ADD1: variants seen among roughly 807,000 people sequenced by gnomAD.
The protein encoded by ADD1 is adducin 1, also known as alpha-adducin.
In ADD1, 24 loss-of-function variants were observed where a neutral mutation model predicts 80.5. The ratio of observed to expected loss-of-function variants is 0.30; its 90% confidence interval spans 0.22 to 0.42. The LOEUF (loss-of-function observed/expected upper bound fraction) is 0.42, where lower values mean the gene tolerates loss of function less well. ADD1 is among the 10% of genes least tolerant of loss of function. The pLI is 1.00. For missense variants in ADD1, 948 were observed against 1,019.0 expected (o/e 0.93, Z 0.95); for synonymous variants, 373 against 393.8 (o/e 0.95, Z 0.63).
intron 4 of ADD1, among the ~76,000 whole-genome samples, chr4:2,885,901 T>A (rs193168675): frequency 6.6e-6 from 1 of 152,058 alleles, no homozygotes; most frequent in Non-Finnish European, 1.5e-5. Context: ...TGAGCCACCC[T>A]GCCCGGCCCC....
At chr4:2,915,984 C>G (rs555441918) in intron 14 of ADD1, among the ~76,000 whole-genome samples, 1 of 152,024 alleles carries the variant, frequency 6.6e-6, no homozygotes, top group Non-Finnish European at 1.5e-5. Flanking sequence ...GATGTCCTGC[C>G]GTGGTCCCAT....
At chr4:2,861,139 G>A (rs1328012906) in intron 1 of ADD1, among the ~76,000 whole-genome samples, 1 of 152,218 alleles carries the variant, frequency 6.6e-6, no homozygotes, top group Non-Finnish European at 1.5e-5. Context: ...CAAAGACTCT[G>A]AGGCAGGAAG....
chr4:2,906,478 T>C (rs987165569), intron 10 of ADD1, among the ~76,000 whole-genome samples: 1 of 152,178 alleles, frequency 6.6e-6, no homozygotes, highest in Non-Finnish European at 1.5e-5. Context: ...CCAAAGCGTT[T>C]AGGCAGCAGC....
chr4:2,899,171 C>G, intron 8 of ADD1, 88 bp from the exon 9 acceptor site: 1 of 1,366,552 alleles, frequency 7.3e-7, no homozygotes, highest in South Asian at 1.4e-5. Context: ...GATTTGGTTT[C>G]TTTTGAAACC....
intron 14 of ADD1, among the ~76,000 whole-genome samples, chr4:2,919,444 T>A (rs1040763428): frequency 6.6e-6 from 1 of 152,216 alleles, no homozygotes; most frequent in African/African-American, 2.4e-5. Flanking sequence ...TGGTAGAATC[T>A]GGCTGTGAAT....
chr4:2,904,958 G>T lies in ADD1; in HGVS notation c.1356G>T (p.Arg452=). 1.9e-6 allele frequency: 3 copies of T among 1,614,190 alleles called. No homozygotes were observed. The Admixed American group carries it at 5.0e-5, about 27-fold the overall frequency. ...AGACAAGATGGCTGAACTCTGGCCG[G>T]GGCGACGAAGCTTCCGAGGAAGGGC... is the stretch of plus-strand genomic sequence containing the variant. The part of the protein sequence containing the change: ...REKTRWLNSG[R]GDEASEEGQN... The change falls in exon 10 of 16, where the codon CGG becomes CGT. Residue 452 remains arginine, a synonymous_variant. Coordinates refer to ENST00000683351, the MANE Select transcript of ADD1 (RefSeq NM_001354761.2).
At chr4:2,883,903 C>G (rs544033100) in intron 3 of ADD1, among the ~76,000 whole-genome samples, 1 of 152,278 alleles carries the variant, frequency 6.6e-6, no homozygotes, top group East Asian at 1.9e-4. Flanking sequence ...GATCTCCTGA[C>G]CTTGTGATCC....
At chr4:2,897,981 C>G (rs370103094) in intron 6 of ADD1, among the ~76,000 whole-genome samples, 3 of 152,184 alleles carry the variant, frequency 2.0e-5, no homozygotes, top group East Asian at 3.9e-4. Context: ...TGAGGCTCTC[C>G]CAGTTTAGGG....
chr4:2,914,606 C>G (rs1303565986), intron 13 of ADD1: 1 of 339,304 alleles, frequency 2.9e-6, no homozygotes, highest in Non-Finnish European at 5.3e-6. Context: ...GCTCTGTGCT[C>G]TTGGGTCTGC....
intron 1 of ADD1, among the ~76,000 whole-genome samples, chr4:2,860,354 G>T (rs1728669286): frequency 6.6e-6 from 1 of 152,202 alleles, no homozygotes; most frequent in Non-Finnish European, 1.5e-5. Context: ...AATTTGATAT[G>T]CAGATTGTCC....
At chr4:2,895,829 A>G (rs1577611570) in intron 6 of ADD1, among the ~76,000 whole-genome samples, 2 of 151,968 alleles carry the variant, frequency 1.3e-5, no homozygotes, top group South Asian at 2.1e-4. Flanking sequence ...CACCAATTTT[A>G]TATAAGGACT....
chr4:2,896,362 C>A (rs1417724252), intron 6 of ADD1, among the ~76,000 whole-genome samples: 1 of 152,056 alleles, frequency 6.6e-6, no homozygotes, highest in Non-Finnish European at 1.5e-5. Context: ...GTGCACACCA[C>A]CATTCCCGGC....
intron 10 of ADD1, 63 bp downstream of exon 10, chr4:2,905,171 C>G: frequency 6.5e-7 from 1 of 1,533,010 alleles, no homozygotes; most frequent in Non-Finnish European, 9.0e-7. Flanking sequence ...GCTGGGGCTT[C>G]GGAGGCTTTG....
Position 2,928,249 on chromosome 4 carries a change from ATGAACCTTCAGAAGCACTCGGCTT to A in ADD1, c.2127_2150del (p.Glu710_Phe717del), listed in dbSNP as rs756204822. ...CCAACTCTCCCCGATCTGTCCCCTG[ATGAACCTTCAGAAGCACTCGGCTT>A]CCCAATGTTAGAGAAGGAGGAGGAA... On this transcript the variant is annotated inframe_deletion, in exon 16 of 16. Coordinates refer to ENST00000683351, the MANE Select transcript of ADD1 (RefSeq NM_001354761.2). 6.2e-7 allele frequency: 1 copy of A among 1,614,080 alleles called. No individual in the cohort carries two copies. Among genetic ancestry groups the A allele is most frequent in the South Asian group, 1.1e-5 (1 of 91,074 alleles).
chr4:2,894,507 TCA>T lies in ADD1; in HGVS notation c.592-74_592-73del. ...GCCTGGGCGACAGAGCCAGACCCTA[TCA>T]AAAAAAAAAAAAAAAAGAAAAGAAA... On this transcript the variant is annotated intron_variant, in intron 5 of 15. Transcript: ENST00000683351. 4 of 957,692 alleles carry T rather than the reference TCA, an allele frequency of 4.2e-6. No individual in the cohort carries two copies. The African/African-American group carries it at 9.6e-5, about 23-fold the overall frequency. The allele number at this position is 957,692 out of a possible 1,614,324, so 59.3% of individuals were successfully genotyped here.
At chr4:2,905,459 C>G (rs1360364998) in intron 10 of ADD1, 4 of 268,242 alleles carry the variant, frequency 1.5e-5, no homozygotes, top group Non-Finnish European at 2.9e-5. Flanking sequence ...CAAAAAGACA[C>G]TTCAGTCCTA....
chr4:2,887,245 A>G (rs536400969), intron 4 of ADD1, among the ~76,000 whole-genome samples: 10 of 152,330 alleles, frequency 6.6e-5, no homozygotes, highest in African/African-American at 2.2e-4. Flanking sequence ...CTTATTTACT[A>G]TCTAGGTATG....
At chr4:2,847,099 A>T (rs1251332516) in intron 1 of ADD1, among the ~76,000 whole-genome samples, 3 of 151,682 alleles carry the variant, frequency 2.0e-5, no homozygotes, top group African/African-American at 7.3e-5. Flanking sequence ...CCTGGGCGAC[A>T]CGGAGCGAGA....
chr4:2,852,148 T>TTCTC (rs1727205607), intron 1 of ADD1, among the ~76,000 whole-genome samples: 1 of 81,396 alleles, frequency 1.2e-5, no homozygotes, highest in Non-Finnish European at 2.4e-5. Flanking sequence ...TTTTCTTTCT[T>TTCTC]TCTTTCTTTC....
Sources: allele counts gnomAD v4.1 joint callset (sites outside exome capture counted in the v4.1 genomes callset), GRCh38; gene constraint gnomAD v4.1.1; transcripts MANE v1.5; gene names NCBI Gene and HGNC (gene_info 2026-07-23, HGNC 2026-07-21).